C4orf51: variants seen among roughly 807,000 people sequenced by gnomAD.
The protein encoded by C4orf51 is uncharacterized protein C4orf51.
C4orf51 carries 25 observed loss-of-function variants against 25.2 expected under a neutral mutation model. That is an observed-to-expected ratio of 0.99 (90% CI 0.72 to 1.39). C4orf51 has a LOEUF of 1.39. Ranked by LOEUF, C4orf51 falls within the 40% of genes most tolerant of loss-of-function variation. C4orf51 has a pLI of 0.00. For missense variants in C4orf51, 252 were observed against 239.6 expected, an observed-to-expected ratio of 1.05 and a Z score of -0.34; for synonymous variants, 100 against 84.5, an observed-to-expected ratio of 1.18 and a Z score of -1.01.
At chr4:145,770,613 T>A (rs1056628020) in intron 1 of C4orf51, among the ~76,000 whole-genome samples, 2 of 151,944 alleles carry the variant, frequency 1.3e-5, no homozygotes, top group Admixed American at 6.6e-5. Flanking sequence ...ATAATAATGA[T>A]AACTAATACT....
At chr4:145,773,714 G>A (rs532463432), downstream of C4orf51, among the ~76,000 whole-genome samples, 2 of 152,348 alleles carry the variant, frequency 1.3e-5, no homozygotes, top group African/African-American at 2.4e-5. Context: ...TAACAGGCGA[G>A]CACTGGTGAA....
At chr4:145,729,364 C>T (rs746821099) in intron 4 of C4orf51, 135 bp downstream of exon 4, 39 of 538,176 alleles carry the variant, frequency 7.2e-5, no homozygotes, top group South Asian at 2.1e-4. Flanking sequence ...TGCAGTGGCG[C>T]GATCTCGGCT....
intron 1 of C4orf51, among the ~76,000 whole-genome samples, chr4:145,768,950 G>A (rs549110262): frequency 8.4e-6 from 1 of 119,128 alleles, no homozygotes; most frequent in South Asian, 3.1e-4. Flanking sequence ...GAGCTGTAAT[G>A]GTGGGTTACA....
downstream of C4orf51, chr4:145,757,830 C>T (rs1734067379): frequency 6.6e-6 from 1 of 151,646 alleles, no homozygotes; most frequent in Admixed American, 6.6e-5. Flanking sequence ...ATCATCTGAA[C>T]ATAATATGAA....
intron 2 of C4orf51, among the ~76,000 whole-genome samples, chr4:145,709,480 C>T (rs1258505580): frequency 6.6e-6 from 1 of 152,206 alleles, no homozygotes; most frequent in Non-Finnish European, 1.5e-5. Flanking sequence ...GGGATACCTG[C>T]AAGGAAGCCC....
rs1405050044 is a variant in C4orf51, at chr4:145,762,811, T to C, written n.167-8177T>C. 6.6e-6 allele frequency among the ~76,000 whole-genome samples: 1 copy of C among 152,192 alleles called. No homozygotes were observed. On this transcript the variant is annotated intron_variant and non_coding_transcript_variant, in intron 1 of 1. Coordinates refer to the C4orf51 transcript ENST00000510096. This position sits in a 1 kb window ranked among gnomAD's most constrained non-coding sequence, Gnocchi z 4.9. ...TGGCTTATATGAGAACTGTAGTGTG[T>C]TTGCTCTCTTTCCACAAAGAATGCA...
chr4:145,696,626 A>G lies in C4orf51; in HGVS notation c.301A>G (p.Ile101Val), dbSNP rs1243328577. Reference sequence around the variant, plus strand: ...GGCTGGTACCCAAGAGACTACAGATATCAAAGGTAAGTGCAACATGATCAG... The same window carrying G: ...GGCTGGTACCCAAGAGACTACAGATGTCAAAGGTAAGTGCAACATGATCAG... ...CWAGTQETTDIKGLFPDITRP... is the reference protein window; with the variant it reads ...CWAGTQETTDVKGLFPDITRP... The change falls in exon 2 of 6, where the codon ATC (isoleucine) becomes GTC (valine). Residue 101 changes from isoleucine (I) to valine (V), a missense_variant. Physicochemically the swap from Ile to Val is conservative, Grantham distance 29. Transcript: ENST00000438731. 4 of 1,612,668 alleles carry G rather than the reference A, an allele frequency of 2.5e-6. No individual in the cohort carries two copies. The highest frequency in any genetic ancestry group is 1.7e-5 in the Admixed American group (1 of 59,888).
downstream of C4orf51, chr4:145,774,763 A>G (rs887807108): frequency 1.4e-5 from 19 of 1,375,286 alleles, no homozygotes; most frequent in Admixed American, 3.9e-4. Context: ...AGTACACTCA[A>G]GAAAACTGGA....
chr4:145,755,281 C>T (rs1019861579), downstream of C4orf51, among the ~76,000 whole-genome samples: 12 of 152,294 alleles, frequency 7.9e-5, no homozygotes, highest in African/African-American at 2.6e-4. Flanking sequence ...AGGTTTGTAA[C>T]TCAGGTAGCC....
At chr4:145,760,074 A>T (rs1489170243) in intron 1 of C4orf51, 1 of 152,224 alleles carries the variant, frequency 6.6e-6, no homozygotes, top group Non-Finnish European at 1.5e-5. Context: ...ATCACCAGAG[A>T]AGATCTGAGC....
chr4:145,688,150 A>G (rs1250805520), intron 1 of C4orf51, among the ~76,000 whole-genome samples: 1 of 149,828 alleles, frequency 6.7e-6, no homozygotes, highest in Admixed American at 6.7e-5. Context: ...GAGGTGAGCC[A>G]TGATTGTACC....
downstream of C4orf51, among the ~76,000 whole-genome samples, chr4:145,772,937 A>G (rs1371389680): frequency 6.6e-6 from 1 of 152,206 alleles, no homozygotes; most frequent in East Asian, 1.9e-4. Flanking sequence ...TCCACTCACG[A>G]CAATTAAATG....
chr4:145,745,161 T>A (rs1318864297), intron 1 of C4orf51, among the ~76,000 whole-genome samples: 1 of 152,180 alleles, frequency 6.6e-6, no homozygotes, highest in Non-Finnish European at 1.5e-5. Context: ...TGCATAACAA[T>A]CACGTCAGGG....
intron 1 of C4orf51, among the ~76,000 whole-genome samples, chr4:145,683,099 TA>T (rs1728933843): frequency 6.6e-6 from 1 of 152,164 alleles, no homozygotes; most frequent in African/African-American, 2.4e-5. Flanking sequence ...TATTTTCCTA[TA>T]TATGAGCAAT....
At chr4:145,709,795 A>G (rs937622879) in intron 2 of C4orf51, among the ~76,000 whole-genome samples, 5 of 152,208 alleles carry the variant, frequency 3.3e-5, no homozygotes, top group African/African-American at 1.2e-4. Flanking sequence ...TAGGAGGGCC[A>G]TTAGTGTCTC....
chr4:145,708,310 A>G (rs1320746222), intron 2 of C4orf51, among the ~76,000 whole-genome samples: 1 of 152,098 alleles, frequency 6.6e-6, no homozygotes, highest in Non-Finnish European at 1.5e-5. Context: ...CTCCCCTTTC[A>G]TTTTTAAGCC....
Position 145,765,209 on chromosome 4 carries a change from G to GGA in C4orf51, n.167-5775_167-5774dup. ...GGTATAGAGGTGCACAGGGCAGCGG[G>GGA]GAGAGGAGGGCAGGAGTGGAGCCAA... On this transcript the variant is annotated intron_variant and non_coding_transcript_variant, in intron 1 of 1. Coordinates refer to the C4orf51 transcript ENST00000510096. This position sits in a 1 kb window ranked among gnomAD's most constrained non-coding sequence, Gnocchi z 4.7. 4 of 1,538,296 alleles carry GGA rather than the reference G, an allele frequency of 2.6e-6. No homozygotes were observed. Among genetic ancestry groups the GGA allele is most frequent in the Non-Finnish European group, 3.5e-6 (4 of 1,139,608 alleles).
At chr4:145,731,440 G>C (rs551662440) in intron 5 of C4orf51, among the ~76,000 whole-genome samples, 27 of 152,010 alleles carry the variant, frequency 1.8e-4, no homozygotes, top group African/African-American at 6.5e-4. Context: ...CAGACTAAAA[G>C]TACATGCAGG....
intron 2 of C4orf51, among the ~76,000 whole-genome samples, chr4:145,720,706 T>C (rs1475128840): frequency 3.9e-5 from 6 of 152,198 alleles, no homozygotes. Context: ...GGCTTTGGTG[T>C]GATTGTCTTC....
Sources: allele counts gnomAD v4.1 joint callset (sites outside exome capture counted in the v4.1 genomes callset), GRCh38; gene constraint gnomAD v4.1.1; non-coding constraint Gnocchi (gnomAD v3.1); transcripts MANE v1.5; gene names NCBI Gene and HGNC (gene_info 2026-07-23, HGNC 2026-07-21).